The following ZBTB10 variants were observed in gnomAD, a reference collection of about 807,000 sequenced individuals.
The protein encoded by ZBTB10 is zinc finger and BTB domain containing 10.
In ZBTB10, 32 loss-of-function variants were observed where a neutral mutation model predicts 76.4. That is an observed-to-expected ratio of 0.42 (90% confidence interval 0.32 to 0.56). The LOEUF (loss-of-function observed/expected upper bound fraction) is 0.56, where lower values mean the gene tolerates loss of function less well. Among genes scored for constraint, ZBTB10 ranks in the 20% least tolerant of loss-of-function variants. The pLI, the probability that ZBTB10 is intolerant of heterozygous loss-of-function variation, is 0.14. For synonymous variants in ZBTB10, 523 were observed against 432.9 expected (o/e 1.21, Z -2.58); for missense variants, 1,057 against 1,098.5 (o/e 0.96, Z 0.53).
chr8:80,493,668 A>G (rs996162056), intron 1 of ZBTB10, among the ~76,000 whole-genome samples: 3 of 123,064 alleles, frequency 2.4e-5, no homozygotes, highest in Admixed American at 7.9e-5. Flanking sequence ...AAAACAAAAC[A>G]AAAAAAAAAA....
intron 2 of ZBTB10, among the ~76,000 whole-genome samples, chr8:80,504,956 T>A (rs576343302): frequency 4.5e-4 from 68 of 152,334 alleles, no homozygotes; most frequent in African/African-American, 1.6e-3. Context: ...TCTGATTTTT[T>A]AAAATCACTT....
At chr8:80,494,994 A>G (rs926225016) in intron 1 of ZBTB10, among the ~76,000 whole-genome samples, 12 of 152,110 alleles carry the variant, frequency 7.9e-5, no homozygotes, top group African/African-American at 2.9e-4. Context: ...ATTCCCTGAT[A>G]ATAAATCTCC....
At chr8:80,518,977 G>T in intron 5 of ZBTB10, 23 bp downstream of exon 5, 1 of 1,565,016 alleles carries the variant, frequency 6.4e-7, no homozygotes, top group South Asian at 1.2e-5. Flanking sequence ...AAATACAGCT[G>T]ATCTTTGAGA....
intron 2 of ZBTB10, among the ~76,000 whole-genome samples, chr8:80,512,098 A>G (rs1225246288): frequency 5.3e-5 from 8 of 151,992 alleles, no homozygotes; most frequent in Admixed American, 3.3e-4. Context: ...AACATTTACC[A>G]CATTTAATGT....
chr8:80,486,999 C>T lies in ZBTB10; in HGVS notation c.189C>T (p.Ala63=), dbSNP rs1585832169. Residue 63 remains alanine (A), a synonymous_variant, in exon 1 of 6, where the codon GCC becomes GCT. Transcript: ENST00000455036. ...PALQPPNGRG[A]DEEVELEGLE... is the part of the protein sequence containing the mutation. Reference sequence around the variant, plus strand: ...TTCAGCCGCCTAATGGGCGGGGGGCCGACGAGGAAGTGGAATTGGAGGGCC... The same window carrying T: ...TTCAGCCGCCTAATGGGCGGGGGGCTGACGAGGAAGTGGAATTGGAGGGCC... 1 of 1,513,528 alleles carries T rather than the reference C, an allele frequency of 6.6e-7. No homozygotes were observed. Among genetic ancestry groups the T allele is most frequent in the Non-Finnish European group, 8.8e-7 (1 of 1,136,376 alleles). 93.8% of individuals were successfully genotyped at this position (1,513,528 alleles called of 1,614,324 possible).
At chr8:80,495,987 TA>T (rs1401467809) in intron 1 of ZBTB10, among the ~76,000 whole-genome samples, 2 of 152,258 alleles carry the variant, frequency 1.3e-5, no homozygotes, top group East Asian at 3.8e-4. Flanking sequence ...ATGTCTGAGC[TA>T]ATTGTGTTTT....
At chr8:80,514,125 C>G (rs1365357046) in intron 3 of ZBTB10, 117 bp downstream of exon 3, 1 of 827,996 alleles carries the variant, frequency 1.2e-6, no homozygotes, top group Non-Finnish European at 1.9e-6. Context: ...TAACTACTTT[C>G]AATCTATGGT....
rs771068109 is a variant in ZBTB10, at chr8:80,487,545, G to A, written c.735G>A (p.Lys245=). 4 of 1,596,816 alleles carry A rather than the reference G, an allele frequency of 2.5e-6. No individual in the cohort carries two copies. The Admixed American group carries it at 5.3e-5, about 21-fold the overall frequency. ...PLARPKSLMQ[K]LQCSFQTSWL... ...CGCGGCCCAAGTCTCTAATGCAGAA[G>A]CTCCAATGCTCCTTCCAGACCTCCT... The change falls in exon 1 of 6, where the codon AAG becomes AAA. Residue 245 remains lysine (K), a synonymous_variant. Transcript: ENST00000455036.
At chr8:80,506,574 A>G (rs868826707) in intron 2 of ZBTB10, among the ~76,000 whole-genome samples, 4 of 62,056 alleles carry the variant, frequency 6.4e-5, no homozygotes, top group Admixed American at 3.0e-4. Context: ...CCCCCCCCCA[A>G]CCCCCGCCTC....
rs1816517116 is a variant in ZBTB10, at chr8:80,524,752, G to T, written c.*5224G>T. On this transcript the variant is annotated 3_prime_UTR_variant, in exon 6 of 6. Transcript: ENST00000455036. ...AAGAAACTTTATATGTTTCTAAGGG[G>T]TCATGATTGGGACCATTGGCTCAAG... is the stretch of plus-strand genomic sequence containing the variant. 1 of 152,052 alleles carries T rather than the reference G, an allele frequency of 6.6e-6. No homozygotes were observed. The highest frequency in any genetic ancestry group is 1.5e-5 in the Non-Finnish European group (1 of 67,950). The allele number at this position is 152,052 out of a possible 1,614,324, so 9.4% of individuals were successfully genotyped here. A position where few individuals can be genotyped will look rare whatever the true frequency, so the allele number is the denominator to read the frequency against.
Position 80,513,916 on chromosome 8 carries a change from A to T in ZBTB10, c.1868A>T (p.Asp623Val). The change falls in exon 3 of 6, where the codon GAT becomes GTT. Residue 623 changes from aspartate (D) to valine (V), a missense_variant. Around this residue, in one of 5 missense-constraint regions of ZBTB10, gnomAD observed 306 missense variants for 297.5 expected, o/e 1.03. Transcript: ENST00000455036. Reference protein sequence around the residue: ...TLLIKEEPDLDGALLSGPDGD... With the variant: ...TLLIKEEPDLVGALLSGPDGD... Reference sequence around the variant, plus strand: ...TTCTATGTTTCCTTTTCAGATTTAGATGGTGCTCTACTCTCGGGGCCAGAT... The same window carrying T: ...TTCTATGTTTCCTTTTCAGATTTAGTTGGTGCTCTACTCTCGGGGCCAGAT... 1 of 1,613,212 alleles carries T rather than the reference A, an allele frequency of 6.2e-7. No homozygotes were observed.
At chr8:80,514,938 T>A (rs920923967) in intron 3 of ZBTB10, among the ~76,000 whole-genome samples, 4 of 152,162 alleles carry the variant, frequency 2.6e-5, no homozygotes, top group African/African-American at 9.7e-5. Flanking sequence ...GTCCAAACTC[T>A]AAAATGTTAA....
intron 1 of ZBTB10, among the ~76,000 whole-genome samples, chr8:80,498,353 A>G (rs1031118885): frequency 3.9e-5 from 6 of 152,238 alleles, no homozygotes; most frequent in African/African-American, 1.2e-4. Flanking sequence ...TTATTATTTT[A>G]TAGAAATGGT....
At position 80,519,508 on chromosome 8, in the gene ZBTB10, T is replaced by C; in HGVS notation, c.2596T>C (p.Cys866Arg). 1.2e-6 allele frequency: 2 copies of C among 1,610,486 alleles called. No homozygotes were observed. Among genetic ancestry groups the C allele is most frequent in the Non-Finnish European group, 1.7e-6 (2 of 1,178,412 alleles). ...TCGATGGGATGAATCAGGAGAAGTT[T>C]GTATGTCTCTAGATGATTAACTGAC... ...PSRWDESGEVCMSLDD is the reference protein window; with the variant it reads ...PSRWDESGEVRMSLDD Residue 866 changes from cysteine (C) to arginine (R), a missense_variant, in exon 6 of 6, where the codon TGT (cysteine) becomes CGT (arginine). Cys to Arg is a radical substitution (Grantham distance 180). Around this residue, in one of 5 missense-constraint regions of ZBTB10, gnomAD observed 55 missense variants for 65.5 expected, o/e 0.84. Coordinates refer to ENST00000455036, the MANE Select transcript of ZBTB10 (RefSeq NM_001105539.3).
chr8:80,525,063 A>G lies in ZBTB10; in HGVS notation c.*5535A>G, dbSNP rs1816532659. On this transcript the variant is annotated 3_prime_UTR_variant, in exon 6 of 6. Coordinates refer to ENST00000455036, the MANE Select transcript of ZBTB10 (RefSeq NM_001105539.3). ...AGGATGTTTTGACACTAAAAAGGAC[A>G]TAATTTAGGAAATTAAGAATTTAGA... 1 of 152,150 alleles carries G rather than the reference A, an allele frequency of 6.6e-6. No homozygotes were observed. The highest frequency in any genetic ancestry group is 2.4e-5 in the African/African-American group (1 of 41,452). The allele number at this position is 152,150 out of a possible 1,614,324, so 9.4% of individuals were successfully genotyped here.
At chr8:80,519,066 T>TG (rs1282802454) in intron 5 of ZBTB10, 112 bp downstream of exon 5, 51 of 1,420,660 alleles carry the variant, frequency 3.6e-5, no homozygotes, top group Non-Finnish European at 4.8e-5. Flanking sequence ...TCTCCTAAAT[T>TG]GCTTTAAACA....
At chr8:80,499,104 G>A (rs1470203459) in intron 1 of ZBTB10, among the ~76,000 whole-genome samples, 2 of 152,092 alleles carry the variant, frequency 1.3e-5, no homozygotes, top group South Asian at 2.1e-4. Context: ...AAGTTCAATC[G>A]GGGGAGACTG....
In ZBTB10 at chr8:80,519,763, A is replaced by T. The variant is rs1229071900; in HGVS notation, c.*235A>T. ...ACATGGAGTCCCCACATACTCAGTC[A>T]GTTATCAAAGTAAAATATTTTTTAT... On this transcript the variant is annotated 3_prime_UTR_variant, in exon 6 of 6. Coordinates refer to ENST00000455036, the MANE Select transcript of ZBTB10 (RefSeq NM_001105539.3). The T allele has an allele frequency of 2.5e-6, 1 of 402,762 alleles. No homozygotes were observed. 24.9% of individuals were successfully genotyped at this position (402,762 alleles called of 1,614,324 possible).
chr8:80,509,731 C>A lies in ZBTB10; in HGVS notation c.1862-4179C>A, dbSNP rs139462996. Among the ~76,000 whole-genome samples, 5 of 152,030 alleles carry A rather than the reference C, an allele frequency of 3.3e-5. No homozygotes were observed. In the South Asian group the frequency reaches 1.0e-3, roughly 32 times the overall value. ...TGAGATTTAGACCAGTCTTTTAATC[C>A]CATCTCATTCTTTTTCCACTGTTAC... On this transcript the variant is annotated intron_variant, in intron 2 of 5. Transcript: ENST00000455036.
Sources: gnomAD v4.1 joint callset for allele counts (sites outside exome capture counted in the v4.1 genomes callset) on GRCh38, gnomAD v4.1.1 for gene constraint, gnomAD v4.1.1 regional missense constraint, MANE v1.5 for transcripts, NCBI Gene and HGNC (gene_info 2026-07-23, HGNC 2026-07-21) for gene names.